The following SLIT3 variants were observed in gnomAD, a reference collection of about 807,000 sequenced individuals.
The protein encoded by SLIT3 is slit guidance ligand 3, also known as slit homolog 3 protein.
In SLIT3, 68 loss-of-function variants were observed where a neutral mutation model predicts 184.0. The ratio of observed to expected loss-of-function variants is 0.37; its 90% CI spans 0.30 to 0.45. The LOEUF is 0.45. Ranked by LOEUF, SLIT3 falls within the 20% of genes least tolerant of loss-of-function variation. The pLI is 1.00. For missense variants in SLIT3, 1,707 were observed against 2,026.0 expected, an observed-to-expected ratio of 0.84 and a Z score of 3.02; for synonymous variants, 831 against 828.6, an observed-to-expected ratio of 1.00 and a Z score of -0.05.
At chr5:169,060,921 A>G (rs1413649445) in intron 4 of SLIT3, among the ~76,000 whole-genome samples, 33 of 152,120 alleles carry the variant, frequency 2.2e-4, no homozygotes, top group Admixed American at 2.2e-3. Context: ...TGGGACCTTT[A>G]GTGGTATCCA....
intron 4 of SLIT3, among the ~76,000 whole-genome samples, chr5:168,944,564 C>T (rs544294382): frequency 6.6e-6 from 1 of 152,246 alleles, no homozygotes; most frequent in Admixed American, 6.5e-5. Context: ...CCTCTGCTGT[C>T]CCTGTTACCC....
chr5:169,073,227 G>A (rs941215923), intron 4 of SLIT3, among the ~76,000 whole-genome samples: 1 of 152,114 alleles, frequency 6.6e-6, no homozygotes, highest in Non-Finnish European at 1.5e-5. Context: ...TAATTCTCAT[G>A]TACTTCCAGA....
intron 3 of SLIT3, among the ~76,000 whole-genome samples, chr5:169,197,922 T>C (rs1047488903): frequency 1.6e-4 from 25 of 152,354 alleles, no homozygotes; most frequent in Admixed American, 7.2e-4. Context: ...TAAAGGCCTT[T>C]CTAGATGTAC....
At chr5:168,841,841 T>A (rs1335083687) in intron 6 of SLIT3, among the ~76,000 whole-genome samples, 2 of 152,188 alleles carry the variant, frequency 1.3e-5, no homozygotes, top group African/African-American at 4.8e-5. Context: ...GATTTCTACT[T>A]CATGCTGCCT....
chr5:169,175,253 C>A (rs985778999), intron 4 of SLIT3, among the ~76,000 whole-genome samples: 1 of 152,192 alleles, frequency 6.6e-6, no homozygotes, highest in African/African-American at 2.4e-5. Flanking sequence ...CTGGCTGTTG[C>A]TATATCCATT....
intron 20 of SLIT3, among the ~76,000 whole-genome samples, chr5:168,736,292 A>G (rs551408544): frequency 6.6e-6 from 1 of 152,262 alleles, no homozygotes; most frequent in South Asian, 2.1e-4. Flanking sequence ...TAGTGTGGAG[A>G]AGTGTCCTCT....
chr5:169,039,289 G>T lies in SLIT3; in HGVS notation c.413+154190C>A, dbSNP rs537850697. Among the ~76,000 whole-genome samples, 13 of 151,100 alleles carry T rather than the reference G, an allele frequency of 8.6e-5. No homozygotes were observed. The South Asian group carries it at 1.9e-3, about 22-fold the overall frequency. On this transcript the variant is annotated intron_variant, in intron 4 of 35. Transcript: ENST00000519560. ...TCAGGCTTCGGCATAACCAAACAGT[G>T]CTCCGTAAGAGTTAAGTTTTTTTTT...
chr5:168,673,005 C>G (rs3733975), intron 33 of SLIT3, among the ~76,000 whole-genome samples, 172 bp downstream of exon 33: 46,484 of 151,960 alleles, frequency 0.31, 7,732 homozygotes, highest in African/African-American at 0.43. Context: ...ACCTGTCCCA[C>G]ATTCTCTTTC....
At chr5:169,039,059 T>A (rs986511637) in intron 4 of SLIT3, among the ~76,000 whole-genome samples, 6 of 152,142 alleles carry the variant, frequency 3.9e-5, no homozygotes, top group African/African-American at 1.4e-4. Flanking sequence ...ATCTTTTTTT[T>A]TGATTATACT....
Position 169,193,486 on chromosome 5 carries a change from T to A in SLIT3, c.406A>T (p.Thr136Ser). The A allele has an allele frequency of 6.2e-7, 1 of 1,613,814 alleles. No individual in the cohort carries two copies. Among genetic ancestry groups the A allele is most frequent in the Middle Eastern group, 1.6e-4 (1 of 6,062 alleles). ...CAAGGCAACTCTACTCACAGTCTGG[T>A]GAGCTTCGGCGTGCTCTGGAAAAGC... ...ELLFQSTPKLTRLDLSENQIQ... is the reference protein window; with the variant it reads ...ELLFQSTPKLSRLDLSENQIQ... Residue 136 changes from threonine to serine, a missense_variant, in exon 4 of 36, where the codon ACC (threonine) becomes TCC (serine). Around this residue, in one of 3 missense-constraint regions of SLIT3, gnomAD observed 1,307 missense variants for 1,511.6 expected, o/e 0.86. Coordinates refer to ENST00000519560, the MANE Select transcript of SLIT3 (RefSeq NM_003062.4).
intron 4 of SLIT3, among the ~76,000 whole-genome samples, chr5:169,179,221 AT>A (rs1763072463): frequency 1.3e-5 from 2 of 151,992 alleles, no homozygotes; most frequent in Non-Finnish European, 2.9e-5. Flanking sequence ...AGAAAAAAAA[AT>A]AATTTGGAAG....
At chr5:168,907,983 G>T (rs868129881) in intron 4 of SLIT3, among the ~76,000 whole-genome samples, 88 of 122,192 alleles carry the variant, frequency 7.2e-4, no homozygotes, top group East Asian at 2.0e-3. Flanking sequence ...TATATATAGA[G>T]AGAGAGAGAG....
intron 20 of SLIT3, among the ~76,000 whole-genome samples, chr5:168,730,939 C>A (rs1387385122): frequency 6.6e-6 from 1 of 151,716 alleles, no homozygotes; most frequent in Non-Finnish European, 1.5e-5. Context: ...AAAATCAGAG[C>A]AGAACTAAAT....
At chr5:169,282,985 A>C (rs1767040320) in intron 1 of SLIT3, among the ~76,000 whole-genome samples, 1 of 152,250 alleles carries the variant, frequency 6.6e-6, no homozygotes, top group African/African-American at 2.4e-5. Context: ...AAGTCTCCCC[A>C]GATGATTGCA....
intron 12 of SLIT3, 89 bp from the exon 13 acceptor site, chr5:168,774,467 G>A: frequency 7.5e-7 from 1 of 1,337,984 alleles, no homozygotes; most frequent in South Asian, 1.4e-5. Flanking sequence ...GGGCTGCAAA[G>A]CTCCCATCAC....
At chr5:169,179,276 C>CTTT (rs370270230) in intron 4 of SLIT3, among the ~76,000 whole-genome samples, 233 of 125,038 alleles carry the variant, frequency 1.9e-3, no homozygotes, top group Non-Finnish European at 2.9e-3. Flanking sequence ...ATTCCTTTTT[C>CTTT]TTTTTTTTTT....
chr5:168,848,505 A>T (rs543971888), intron 5 of SLIT3, among the ~76,000 whole-genome samples: 1 of 152,292 alleles, frequency 6.6e-6, no homozygotes, highest in East Asian at 1.9e-4. Context: ...TTTATACAGG[A>T]TACTCAGTTT....
At chr5:169,277,063 C>T (rs1209057148) in intron 1 of SLIT3, among the ~76,000 whole-genome samples, 3 of 152,178 alleles carry the variant, frequency 2.0e-5, no homozygotes, top group South Asian at 2.1e-4. Flanking sequence ...AGCCCTAACT[C>T]CCCTTTCTCC....
intron 1 of SLIT3, among the ~76,000 whole-genome samples, chr5:169,285,911 G>A (rs561166331): frequency 1.6e-4 from 25 of 152,300 alleles, no homozygotes; most frequent in African/African-American, 5.8e-4. Flanking sequence ...GCAGAAATAA[G>A]CCATCTCTAC....
Sources: allele counts gnomAD v4.1 joint callset (sites outside exome capture counted in the v4.1 genomes callset), GRCh38; gene constraint gnomAD v4.1.1; regional missense constraint gnomAD v4.1.1; transcripts MANE v1.5; gene names NCBI Gene and HGNC (gene_info 2026-07-23, HGNC 2026-07-21).